Variants in RNF180 observed in about 807,000 individuals in gnomAD.
RNF180 encodes ring finger protein 180.
A neutral mutation model predicts 59.2 loss-of-function variants in RNF180; 38 were observed. The ratio of observed to expected loss-of-function variants is 0.64; its 90% CI spans 0.50 to 0.84. The LOEUF is 0.84. Among genes scored for constraint, RNF180 ranks in the 40% least tolerant of loss-of-function variants. The pLI, the probability that RNF180 is intolerant of heterozygous loss-of-function variation, is 0.00. For missense variants in RNF180, 705 were observed against 700.9 expected, an observed-to-expected ratio of 1.01 and a Z score of -0.07; for synonymous variants, 262 against 240.3, an observed-to-expected ratio of 1.09 and a Z score of -0.84.
chr5:64,197,394 T>G (rs1287948374), intron 1 of RNF180, among the ~76,000 whole-genome samples: 1 of 152,200 alleles, frequency 6.6e-6, no homozygotes, highest in Non-Finnish European at 1.5e-5. Context: ...TCAAAACTGT[T>G]TTCTTGGTAA....
rs553587918 is a variant in RNF180, at chr5:64,343,561, C to CT, written c.1579+13156dup. 2.2e-4 allele frequency among the ~76,000 whole-genome samples: 33 copies of CT among 151,756 alleles called. 1 individual carries two copies. The South Asian group carries it at 6.9e-3, about 32-fold the overall frequency. On this transcript the variant is annotated intron_variant, in intron 7 of 7. Coordinates refer to ENST00000389100, the MANE Select transcript of RNF180 (RefSeq NM_001113561.2). ...AGAAAACCATATCTAGAGACATCAT[C>CT]TAGAGCAGCCAAACTGCTGAAACCC...
Position 64,369,947 on chromosome 5 carries a change from GA to G in RNF180, c.*135del. On this transcript the variant is annotated 3_prime_UTR_variant, in exon 8 of 8. Transcript: ENST00000389100. Reference sequence around the variant, plus strand: ...TTGTTGATGTTTATAGAAAGCCTGAGAATAATGAATTTATTTATTAATGTTT... The same window carrying G: ...TTGTTGATGTTTATAGAAAGCCTGAGATAATGAATTTATTTATTAATGTTT... 2.0e-6 allele frequency: 1 copy of G among 512,592 alleles called. No individual in the cohort carries two copies. Among genetic ancestry groups the G allele is most frequent in the Non-Finnish European group, 3.3e-6 (1 of 300,586 alleles). The allele number at this position is 512,592 out of a possible 1,614,324, so 31.8% of individuals were successfully genotyped here. A position where few individuals can be genotyped will look rare whatever the true frequency, so the allele number is the denominator to read the frequency against.
intron 5 of RNF180, among the ~76,000 whole-genome samples, chr5:64,300,840 T>C (rs767798359): frequency 1.3e-5 from 2 of 151,816 alleles, no homozygotes; most frequent in Admixed American, 6.6e-5. Flanking sequence ...CTAACTCTTT[T>C]CCTTACTATA....
chr5:64,282,964 C>T (rs911911790), intron 5 of RNF180, among the ~76,000 whole-genome samples: 1 of 152,070 alleles, frequency 6.6e-6, no homozygotes, highest in Non-Finnish European at 1.5e-5. Context: ...GATGTGAAAA[C>T]TTCATGTTCT....
intron 2 of RNF180, among the ~76,000 whole-genome samples, chr5:64,207,376 A>G (rs1290324427): frequency 6.6e-6 from 1 of 152,110 alleles, no homozygotes; most frequent in East Asian, 1.9e-4. Flanking sequence ...GTGGGAGAAC[A>G]TTCCAAGATT....
At chr5:64,322,556 T>G (rs1388613879) in intron 5 of RNF180, among the ~76,000 whole-genome samples, 1 of 151,710 alleles carries the variant, frequency 6.6e-6, no homozygotes, top group Non-Finnish European at 1.5e-5. Flanking sequence ...TATATGTGTG[T>G]ATATATGTAT....
chr5:64,363,353 C>A (rs893616437), intron 7 of RNF180, among the ~76,000 whole-genome samples: 4 of 151,854 alleles, frequency 2.6e-5, no homozygotes. Flanking sequence ...AGAGAGAATA[C>A]TTTCCCCATT....
chr5:64,299,781 GTTTC>G, intron 5 of RNF180, among the ~76,000 whole-genome samples: 1 of 151,926 alleles, frequency 6.6e-6, no homozygotes, highest in Admixed American at 6.6e-5. Context: ...TGTATCTGTG[GTTTC>G]ACTTTCCATG....
chr5:64,307,407 AG>A (rs1743531079), intron 5 of RNF180, among the ~76,000 whole-genome samples: 1 of 151,616 alleles, frequency 6.6e-6, no homozygotes, highest in African/African-American at 2.4e-5. Flanking sequence ...GACAAAATGA[AG>A]ATTAATTAAA....
intron 5 of RNF180, among the ~76,000 whole-genome samples, chr5:64,286,029 A>G (rs1442168699): frequency 2.6e-5 from 4 of 152,020 alleles, no homozygotes; most frequent in African/African-American, 9.7e-5. Flanking sequence ...TTCCCCAGGA[A>G]CTGCTTGAAA....
chr5:64,287,015 A>G (rs1408710338), intron 5 of RNF180, among the ~76,000 whole-genome samples: 1 of 152,150 alleles, frequency 6.6e-6, no homozygotes, highest in African/African-American at 2.4e-5. Context: ...TACCCAGGCT[A>G]GAGTGCAGTG....
At chr5:64,334,846 A>C (rs1480604531) in intron 7 of RNF180, among the ~76,000 whole-genome samples, 1 of 152,184 alleles carries the variant, frequency 6.6e-6, no homozygotes, top group Non-Finnish European at 1.5e-5. Context: ...TATTATAAAC[A>C]GTGTTTCTAT....
chr5:64,357,428 T>C (rs1012397038), intron 7 of RNF180, among the ~76,000 whole-genome samples: 2 of 151,854 alleles, frequency 1.3e-5, no homozygotes, highest in African/African-American at 4.8e-5. Flanking sequence ...AGATAGGACA[T>C]GTCTCCTTTT....
chr5:64,175,272 G>A (rs767842759), intron 1 of RNF180, among the ~76,000 whole-genome samples: 13 of 152,152 alleles, frequency 8.5e-5, no homozygotes, highest in African/African-American at 2.4e-4. Context: ...TCGCCAATCC[G>A]TTTCTATTTT....
intron 5 of RNF180, among the ~76,000 whole-genome samples, chr5:64,300,157 G>A (rs1238139433): frequency 6.6e-6 from 1 of 151,496 alleles, no homozygotes; most frequent in East Asian, 1.9e-4. Flanking sequence ...TCTTTTAAGT[G>A]AAAAGGTGAA....
At chr5:64,236,336 T>C (rs915973023) in intron 5 of RNF180, among the ~76,000 whole-genome samples, 4 of 152,166 alleles carry the variant, frequency 2.6e-5, no homozygotes, top group Non-Finnish European at 5.9e-5. Flanking sequence ...TTTGAACTTG[T>C]GAGAGATGAT....
chr5:64,351,290 AAGG>A (rs1389217196), intron 7 of RNF180, among the ~76,000 whole-genome samples: 1 of 152,182 alleles, frequency 6.6e-6, no homozygotes, highest in African/African-American at 2.4e-5. Flanking sequence ...TTATCAGCTT[AAGG>A]AGATTTTGGG....
chr5:64,342,626 A>G (rs558632118), intron 7 of RNF180, among the ~76,000 whole-genome samples: 69 of 152,128 alleles, frequency 4.5e-4, no homozygotes, highest in Non-Finnish European at 8.4e-4. Context: ...TCCTTAAGAT[A>G]TATCTCATAT....
At chr5:64,213,414 T>C in intron 3 of RNF180, 144 bp from the exon 4 acceptor site, 1 of 676,572 alleles carries the variant, frequency 1.5e-6, no homozygotes, top group Non-Finnish European at 2.5e-6. Context: ...TTATTTGCTG[T>C]TCAGTCTACT....
Sources: gnomAD v4.1 joint callset for allele counts (sites outside exome capture counted in the v4.1 genomes callset) on GRCh38, gnomAD v4.1.1 for gene constraint, MANE v1.5 for transcripts, NCBI Gene and HGNC (gene_info 2026-07-23, HGNC 2026-07-21) for gene names.